The following TMX4 variants were observed in gnomAD, a reference collection of about 807,000 sequenced individuals.
TMX4 encodes thioredoxin-related transmembrane protein 4.
TMX4 carries 23 observed loss-of-function variants against 33.3 expected under a neutral mutation model. That is an observed-to-expected ratio of 0.69 (90% CI 0.50 to 0.98). The LOEUF (loss-of-function observed/expected upper bound fraction) is 0.98. Among genes scored for constraint, TMX4 ranks in the 50% least tolerant of loss-of-function variants. The probability of loss-of-function intolerance (pLI) is 0.00; values close to 1 mark genes in which losing one functional copy is unlikely to be tolerated. For synonymous variants in TMX4, 164 were observed against 161.5 expected (o/e 1.02, Z -0.12); for missense variants, 399 against 448.9 (o/e 0.89, Z 1.01).
intron 1 of TMX4, chr20:8,019,189 C>T (rs898059692): frequency 3.6e-5 from 18 of 500,040 alleles, no homozygotes; most frequent in African/African-American, 3.5e-4. Flanking sequence ...CGCGCATGCG[C>T]GGCGCGAGCG....
chr20:8,006,171 A>G (rs1388334973), intron 2 of TMX4, among the ~76,000 whole-genome samples: 3 of 152,102 alleles, frequency 2.0e-5, no homozygotes, highest in Non-Finnish European at 4.4e-5. Context: ...GTCCCCCTAG[A>G]GGTTTGAGCA....
chr20:8,002,978 C>G (rs568568591), intron 2 of TMX4, among the ~76,000 whole-genome samples: 1 of 152,090 alleles, frequency 6.6e-6, no homozygotes, highest in African/African-American at 2.4e-5. Flanking sequence ...AACATAAACA[C>G]GAGTGACCCA....
intron 5 of TMX4, among the ~76,000 whole-genome samples, chr20:7,990,514 C>A (rs2050650056): frequency 6.6e-6 from 1 of 152,106 alleles, no homozygotes; most frequent in Non-Finnish European, 1.5e-5. Flanking sequence ...GACAGCCAAG[C>A]CAAGGCCTCC....
chr20:8,000,899 T>C (rs1352515436), intron 3 of TMX4, among the ~76,000 whole-genome samples: 5 of 152,188 alleles, frequency 3.3e-5, no homozygotes, highest in African/African-American at 4.8e-5. Context: ...CTCCTAATCA[T>C]GAAGGCAGGC....
At position 8,008,394 on chromosome 20, in the gene TMX4, T is replaced by C. The variant is rs192589631; in HGVS notation, c.292+1806A>G. On this transcript the variant is annotated intron_variant, in intron 2 of 7. Transcript: ENST00000246024. The stretch of plus-strand genomic sequence containing the variant: ...ATTTCAAGTATATATATTTCAGATA[T>C]ACATAAAACCAAGTCAACATTGAAT... 4.4e-3 allele frequency among the ~76,000 whole-genome samples: 669 copies of C among 152,256 alleles called. 7 individuals are homozygous for C. The highest frequency in any genetic ancestry group is 0.014 in the African/African-American group (593 of 41,564).
At position 7,988,954 on chromosome 20, in the gene TMX4, C is replaced by T. The variant is rs192295308; in HGVS notation, c.514-1565G>A. Among the ~76,000 whole-genome samples the T allele has an allele frequency of 2.0e-3, 300 of 151,146 alleles. 2 individuals carry two copies. Among genetic ancestry groups the T allele is most frequent in the African/African-American group, 6.2e-3 (255 of 41,074 alleles). On this transcript the variant is annotated intron_variant, in intron 5 of 7. Transcript: ENST00000246024. ...AGGAGAATTGCTTGAACCCCGGAGG[C>T]AGAGGGAGTGGGCTGAGATTGCGCC...
intron 2 of TMX4, among the ~76,000 whole-genome samples, chr20:8,006,007 G>A (rs544646566): frequency 7.2e-6 from 1 of 139,550 alleles, no homozygotes; most frequent in Non-Finnish European, 1.5e-5. Context: ...GATAAGGCAG[G>A]GGGGTGTCTA....
chr20:7,983,589 G>C (rs1055056057), intron 7 of TMX4, among the ~76,000 whole-genome samples: 4 of 152,054 alleles, frequency 2.6e-5, no homozygotes, highest in African/African-American at 9.7e-5. Flanking sequence ...AAAAGCAATT[G>C]CCAAAATGAA....
chr20:7,992,371 G>A (rs114120886), intron 5 of TMX4, among the ~76,000 whole-genome samples: 1,634 of 152,212 alleles, frequency 0.011, 19 homozygotes, highest in Middle Eastern at 0.027. Flanking sequence ...ATTAAAATAT[G>A]CAGGTGAGCG....
Position 8,010,195 on chromosome 20 carries a change from A to G in TMX4, c.292+5T>C. The stretch of plus-strand genomic sequence containing the variant: ...TTTGCATTTTATGTGCAACATTCAC[A>G]GTACCTGGTTCTTGAATGACATCTA... On this transcript the variant is annotated splice_donor_5th_base_variant and intron_variant, in intron 2 of 7. Transcript: ENST00000246024. The G allele has an allele frequency of 8.1e-6, 13 of 1,596,118 alleles. No individual in the cohort carries two copies. Among genetic ancestry groups the G allele is most frequent in the Non-Finnish European group, 1.1e-5 (13 of 1,171,464 alleles).
chr20:7,982,877 G>T (rs1017419023), intron 7 of TMX4, among the ~76,000 whole-genome samples: 2 of 152,158 alleles, frequency 1.3e-5, no homozygotes, highest in Non-Finnish European at 2.9e-5. Flanking sequence ...GGTCCTTTAC[G>T]CTCGGTATTT....
chr20:7,995,558 A>C (rs962321572), intron 5 of TMX4, among the ~76,000 whole-genome samples: 12 of 152,204 alleles, frequency 7.9e-5, no homozygotes, highest in African/African-American at 2.9e-4. Context: ...GTACCATTGT[A>C]GCATGAAAGC....
At chr20:8,005,809 A>G (rs1051204278) in intron 2 of TMX4, among the ~76,000 whole-genome samples, 1 of 152,140 alleles carries the variant, frequency 6.6e-6, no homozygotes, top group Non-Finnish European at 1.5e-5. Context: ...TAGTTGGAGG[A>G]CAGCCCAGCC....
chr20:8,007,869 C>T (rs151295365), intron 2 of TMX4, among the ~76,000 whole-genome samples: 6 of 152,298 alleles, frequency 3.9e-5, no homozygotes, highest in African/African-American at 4.8e-5. Context: ...TTTTATCCTA[C>T]GTTTTCTTCA....
At chr20:8,018,517 A>G (rs1568541321) in intron 1 of TMX4, among the ~76,000 whole-genome samples, 1 of 43,430 alleles carries the variant, frequency 2.3e-5, no homozygotes, top group African/African-American at 3.8e-4. Flanking sequence ...AGAGAGAGAG[A>G]GAGAGAGAGA....
chr20:7,983,854 A>C lies in TMX4; in HGVS notation c.619T>G (p.Leu207Val), dbSNP rs759750974. The change falls in exon 7 of 8, where the codon TTG becomes GTG. Residue 207 changes from leucine to valine, a missense_variant. Transcript: ENST00000246024. ...TAGAAACATTCTGATATTACCACCA[A>C]GACCTGGAAGGAAAAAAGTGATTTT... ...LVFGLFMGLV[L>V]VVISECFYVP... The C allele has an allele frequency of 1.2e-6, 2 of 1,613,480 alleles. No individual in the cohort carries two copies. The highest frequency in any genetic ancestry group is 1.7e-6 in the Non-Finnish European group (2 of 1,179,730).
At chr20:7,997,332 G>A (rs1039031762) in intron 4 of TMX4, among the ~76,000 whole-genome samples, 1 of 151,820 alleles carries the variant, frequency 6.6e-6, no homozygotes, top group Non-Finnish European at 1.5e-5. Context: ...CACCCAAATC[G>A]TATGTTCAAT....
At chr20:7,995,047 C>A (rs2050670111) in intron 5 of TMX4, among the ~76,000 whole-genome samples, 2 of 152,158 alleles carry the variant, frequency 1.3e-5, no homozygotes, top group Non-Finnish European at 2.9e-5. Flanking sequence ...ACCAAAAAAC[C>A]TTGTGGTAGG....
chr20:7,982,163 G>T lies in TMX4; in HGVS notation c.*88C>A, dbSNP rs927689187. 28 of 1,391,050 alleles carry T rather than the reference G, an allele frequency of 2.0e-5. No individual in the cohort carries two copies. The African/African-American group carries it at 3.9e-4, about 19-fold the overall frequency. 86.2% of individuals were successfully genotyped at this position (1,391,050 alleles called of 1,614,324 possible). A position where few individuals can be genotyped will look rare whatever the true frequency, so the allele number is the denominator to read the frequency against. ...TTTTAAGAGAAGCTTGCTCATTCAG[G>T]AAAAATTAAGGATTTGGTACAAACT... On this transcript the variant is annotated 3_prime_UTR_variant, in exon 8 of 8. Coordinates refer to ENST00000246024, the MANE Select transcript of TMX4 (RefSeq NM_021156.4).
Sources: allele counts gnomAD v4.1 joint callset (sites outside exome capture counted in the v4.1 genomes callset), GRCh38; gene constraint gnomAD v4.1.1; transcripts MANE v1.5; gene names NCBI Gene and HGNC (gene_info 2026-07-23, HGNC 2026-07-21).